Variants in RELCH observed in about 807,000 individuals in gnomAD.
RELCH encodes RAB11-binding protein RELCH.
In RELCH, 41 loss-of-function variants were observed where a neutral mutation model predicts 150.3. The observed-to-expected ratio is 0.27, with a 90% confidence interval of 0.21 to 0.35. RELCH has a LOEUF of 0.35. Among genes scored for constraint, RELCH ranks in the 10% least tolerant of loss-of-function variants. The pLI is 1.00. For synonymous variants in RELCH, 478 were observed against 531.8 expected, an observed-to-expected ratio of 0.90 and a Z score of 1.39; for missense variants, 1,092 against 1,467.8, an observed-to-expected ratio of 0.74 and a Z score of 4.18.
At chr18:62,208,342 G>T (rs1408580339) in intron 1 of RELCH, among the ~76,000 whole-genome samples, 4 of 137,594 alleles carry the variant, frequency 2.9e-5, no homozygotes, top group South Asian at 2.4e-4. Flanking sequence ...CTTTCTTCAT[G>T]GTGACTTTTA....
At chr18:62,198,384 AAGG>A (rs1393534219) in intron 1 of RELCH, among the ~76,000 whole-genome samples, 1 of 152,158 alleles carries the variant, frequency 6.6e-6, no homozygotes, top group African/African-American at 2.4e-5. Context: ...ACTAAACCTC[AAGG>A]AGGAGTAGAA....
intron 13 of RELCH, among the ~76,000 whole-genome samples, chr18:62,256,258 G>A (rs1374399632): frequency 1.3e-5 from 2 of 151,942 alleles, no homozygotes; most frequent in South Asian, 2.1e-4. Context: ...ACATTTTCAT[G>A]AAATTGGATG....
chr18:62,253,745 A>G (rs897009982), intron 12 of RELCH, among the ~76,000 whole-genome samples: 1 of 152,178 alleles, frequency 6.6e-6, no homozygotes, highest in East Asian at 1.9e-4. Context: ...TACATATAAT[A>G]ATAACTACCT....
rs1210734484 is a variant in RELCH at position 62,307,779 on chromosome 18, T to C, written c.*2245T>C. The C allele has an allele frequency of 2.0e-5, 3 of 152,192 alleles. No individual in the cohort carries two copies. Among genetic ancestry groups the C allele is most frequent in the Non-Finnish European group, 2.9e-5 (2 of 68,016 alleles). The allele number at this position is 152,192 out of a possible 1,614,324, so 9.4% of individuals were successfully genotyped here. On this transcript the variant is annotated 3_prime_UTR_variant, in exon 29 of 29. Transcript: ENST00000644646. ...AAAGTAATGAAAAGCTAATTTGAAA[T>C]TATACCTGTGTTTCCAGAGTAATCC...
intron 22 of RELCH, chr18:62,277,795 ATTATT>A (rs2044294329): frequency 1.2e-6 from 1 of 815,520 alleles, no homozygotes; most frequent in East Asian, 1.2e-4. Context: ...AATTAATAAA[ATTATT>A]TTATAAGAGG....
chr18:62,279,734 C>A, intron 22 of RELCH, 40 bp from the exon 23 acceptor site: 1 of 1,326,468 alleles, frequency 7.5e-7, no homozygotes, highest in Non-Finnish European at 1.0e-6. Context: ...TTGCTCTTTC[C>A]GTGCATCACC....
Position 62,187,649 on chromosome 18 carries a change from T to C in RELCH, c.144T>C (p.Asp48=), listed in dbSNP as rs751272099. The change falls in exon 1 of 29, where the codon GAT becomes GAC. Residue 48 remains aspartate, a synonymous_variant. Transcript: ENST00000644646. ...GGCTGGGCGCCGGAAGTGGCCTAGA[T>C]CCTGGCTCTGCGGGCTCGCTGTCGC... ...VLRLGAGSGL[D]PGSAGSLSPQ... is the part of the protein sequence containing the mutation. 1.9e-6 allele frequency: 3 copies of C among 1,558,176 alleles called. No homozygotes were observed. Among genetic ancestry groups the C allele is most frequent in the East Asian group, 4.5e-5 (2 of 44,290 alleles).
At chr18:62,240,069 A>G (rs2042068896) in intron 10 of RELCH, among the ~76,000 whole-genome samples, 1 of 152,004 alleles carries the variant, frequency 6.6e-6, no homozygotes, top group African/African-American at 2.4e-5. Flanking sequence ...AAGTAAAATA[A>G]TGTCACATTA....
At chr18:62,218,150 C>T (rs959018530) in intron 2 of RELCH, among the ~76,000 whole-genome samples, 4 of 151,652 alleles carry the variant, frequency 2.6e-5, no homozygotes, top group Non-Finnish European at 5.9e-5. Flanking sequence ...TTCTGGGATA[C>T]TAAAATAAGT....
chr18:62,220,887 G>A (rs1412597065), intron 2 of RELCH, 150 bp from the exon 3 acceptor site: 4 of 699,798 alleles, frequency 5.7e-6, no homozygotes, highest in South Asian at 3.3e-5. Context: ...TGCTGCATGC[G>A]TTCACAAGTT....
chr18:62,257,340 A>G (rs552197782), intron 13 of RELCH, among the ~76,000 whole-genome samples: 1 of 152,184 alleles, frequency 6.6e-6, no homozygotes, highest in South Asian at 2.1e-4. Flanking sequence ...AGAGCAATGC[A>G]ATTTTTAAGT....
intron 1 of RELCH, among the ~76,000 whole-genome samples, chr18:62,204,989 G>A (rs965846180): frequency 6.6e-6 from 1 of 152,118 alleles, no homozygotes; most frequent in African/African-American, 2.4e-5. Context: ...ATTATGAAAA[G>A]TTCAAAGCAT....
intron 26 of RELCH, among the ~76,000 whole-genome samples, 176 bp from the exon 27 acceptor site, chr18:62,291,366 TA>T (rs1228773216): frequency 6.6e-6 from 1 of 152,206 alleles, no homozygotes; most frequent in Non-Finnish European, 1.5e-5. Flanking sequence ...TGACTCCTGA[TA>T]AATAACTTAC....
In RELCH at chr18:62,187,396, T is replaced by C; in HGVS notation, c.-110T>C. On this transcript the variant is annotated 5_prime_UTR_variant, in exon 1 of 29. Coordinates refer to ENST00000644646, the MANE Select transcript of RELCH (RefSeq NM_001346231.2). ...TGTCTCTAAGTCGGGAGGCAGGACGTGGTCAGGCCGGGGCTGTGGAGGTGC... is the reference window on the plus strand; with the variant it reads ...TGTCTCTAAGTCGGGAGGCAGGACGCGGTCAGGCCGGGGCTGTGGAGGTGC... 1 of 1,061,534 alleles carries C rather than the reference T, an allele frequency of 9.4e-7. No individual in the cohort carries two copies. The highest frequency in any genetic ancestry group is 1.3e-6 in the Non-Finnish European group (1 of 775,164). The allele number at this position is 1,061,534 out of a possible 1,614,324, so 65.8% of individuals were successfully genotyped here.
chr18:62,258,639 T>C lies in RELCH; in HGVS notation c.2165T>C (p.Ile722Thr), dbSNP rs370343507. The change falls in exon 15 of 29, where the codon ATA becomes ACA. Residue 722 changes from isoleucine to threonine, a missense_variant. By Grantham distance (89) the Ile-to-Thr change is moderately conservative. Around this residue, in one of 4 missense-constraint regions of RELCH, gnomAD observed 707 missense variants for 1,025.4 expected, o/e 0.69. Coordinates refer to ENST00000644646, the MANE Select transcript of RELCH (RefSeq NM_001346231.2). Reference protein sequence around the residue: ...TELGNLQSHLILTLLNKIEKL... With the variant: ...TELGNLQSHLTLTLLNKIEKL... ...CTTGGAAATTTACAGTCTCATCTTA[T>C]ACTTACACTACTGAACAAGATTGAA... is the stretch of plus-strand genomic sequence containing the variant. 7.5e-6 allele frequency: 12 copies of C among 1,594,056 alleles called. No homozygotes were observed. The highest frequency in any genetic ancestry group is 3.4e-5 in the South Asian group (3 of 87,100).
chr18:62,218,665 A>G (rs1262937948), intron 2 of RELCH, among the ~76,000 whole-genome samples: 1 of 151,996 alleles, frequency 6.6e-6, no homozygotes, highest in African/African-American at 2.4e-5. Flanking sequence ...TGGTAAGATT[A>G]TAATATGCGA....
intron 1 of RELCH, among the ~76,000 whole-genome samples, chr18:62,200,430 T>C (rs76157915): frequency 0.017 from 2,599 of 152,252 alleles, 87 homozygotes; most frequent in East Asian, 0.13. Flanking sequence ...ACTGTCTTAA[T>C]TCCTTTTAGC....
chr18:62,257,489 C>G (rs961202223), intron 13 of RELCH, among the ~76,000 whole-genome samples: 1 of 152,108 alleles, frequency 6.6e-6, no homozygotes, highest in South Asian at 2.1e-4. Context: ...GTAGTTCCTC[C>G]TGTTAAAACT....
At chr18:62,288,122 CT>C in intron 26 of RELCH, among the ~76,000 whole-genome samples, 1 of 152,140 alleles carries the variant, frequency 6.6e-6, no homozygotes, top group South Asian at 2.1e-4. Context: ...TATCCTATGC[CT>C]ATAAAATAAA....
Sources: allele counts gnomAD v4.1 joint callset (sites outside exome capture counted in the v4.1 genomes callset), GRCh38; gene constraint gnomAD v4.1.1; regional missense constraint gnomAD v4.1.1; transcripts MANE v1.5; gene names NCBI Gene and HGNC (gene_info 2026-07-23, HGNC 2026-07-21).